The following CEP295 variants were observed in gnomAD, a reference collection of about 807,000 sequenced individuals.
The protein encoded by CEP295 is centrosomal protein of 295 kDa.
In CEP295, 190 loss-of-function variants were observed where a neutral mutation model predicts 291.6. The observed-to-expected ratio is 0.65, with a 90% confidence interval of 0.58 to 0.73. The LOEUF (loss-of-function observed/expected upper bound fraction) is 0.73, where lower values mean the gene tolerates loss of function less well. CEP295 is among the 30% of genes least tolerant of loss of function. The pLI is 0.00. For synonymous variants in CEP295, 993 were observed against 1,038.8 expected, an observed-to-expected ratio of 0.96 and a Z score of 0.85; for missense variants, 2,863 against 2,949.4, an observed-to-expected ratio of 0.97 and a Z score of 0.68.
rs1565440119 is a variant in CEP295, at chr11:93,679,442, G to A, written c.655G>A (p.Ala219Thr). The A allele has an allele frequency of 6.4e-7, 1 of 1,551,244 alleles. No homozygotes were observed. Among genetic ancestry groups the A allele is most frequent in the Non-Finnish European group, 8.7e-7 (1 of 1,146,754 alleles). The change falls in exon 7 of 30, where the codon GCT becomes ACT. Residue 219 changes from alanine to threonine, a missense_variant. Coordinates refer to ENST00000325212, the MANE Select transcript of CEP295 (RefSeq NM_033395.2). Reference protein sequence around the residue: ...PDARLAAEEEAKRLEELQKQA... With the variant: ...PDARLAAEEETKRLEELQKQA... Reference sequence around the variant, plus strand: ...TGCTCGTTTGGCTGCTGAAGAGGAAGCTAAACGATTGGAAGAACTACAAAA... The same window carrying A: ...TGCTCGTTTGGCTGCTGAAGAGGAAACTAAACGATTGGAAGAACTACAAAA...
chr11:93,723,280 G>T lies in CEP295; in HGVS notation c.6187G>T (p.Asp2063Tyr), dbSNP rs779315491. ...NEANLIPEKT[D>Y]LQELEHIFPN... Reference sequence around the variant, plus strand: ...AGCAAATTTGATACCTGAAAAAACAGATTTGCAAGGTAAAATTATTTTAAA... The same window carrying T: ...AGCAAATTTGATACCTGAAAAAACATATTTGCAAGGTAAAATTATTTTAAA... The change falls in exon 21 of 30, where the codon GAT (aspartate) becomes TAT (tyrosine). Residue 2063 changes from aspartate to tyrosine, a missense_variant. By Grantham distance (160) the Asp-to-Tyr change is radical (BLOSUM62 -3). Coordinates refer to ENST00000325212, the MANE Select transcript of CEP295 (RefSeq NM_033395.2). 2.7e-6 allele frequency: 4 copies of T among 1,498,450 alleles called. No homozygotes were observed. Among genetic ancestry groups the T allele is most frequent in the Non-Finnish European group, 3.6e-6 (4 of 1,114,298 alleles). 92.8% of individuals were successfully genotyped at this position (1,498,450 alleles called of 1,614,324 possible).
At chr11:93,681,785 A>G (rs1398727729) in intron 7 of CEP295, among the ~76,000 whole-genome samples, 3 of 151,402 alleles carry the variant, frequency 2.0e-5, no homozygotes, top group African/African-American at 7.3e-5. Flanking sequence ...GACCTCAAAC[A>G]ATCTGCCTGC....
chr11:93,728,664 T>A lies in CEP295; in HGVS notation c.7162-17T>A. 1 of 1,517,016 alleles carries A rather than the reference T, an allele frequency of 6.6e-7. No homozygotes were observed. Among genetic ancestry groups the A allele is most frequent in the Non-Finnish European group, 8.8e-7 (1 of 1,136,516 alleles). 94.0% of individuals were successfully genotyped at this position (1,517,016 alleles called of 1,614,324 possible). On this transcript the variant is annotated splice_polypyrimidine_tract_variant and intron_variant, in intron 24 of 29. Coordinates refer to ENST00000325212, the MANE Select transcript of CEP295 (RefSeq NM_033395.2). ...AGGCTATTTTGACATGGTTTTCCTT[T>A]TAATTGTGGTTCACAGGAAACAGAA...
chr11:93,701,215 A>G (rs1401024767), intron 15 of CEP295, among the ~76,000 whole-genome samples: 1 of 152,028 alleles, frequency 6.6e-6, no homozygotes, highest in Non-Finnish European at 1.5e-5. Context: ...AAATACAAAA[A>G]TTAGCCAGGC....
intron 7 of CEP295, among the ~76,000 whole-genome samples, chr11:93,681,383 C>T (rs1241314818): frequency 2.2e-5 from 3 of 134,278 alleles, no homozygotes; most frequent in Admixed American, 8.1e-5. Context: ...ACTACAGGCT[C>T]GCGTCACCAC....
At position 93,727,699 on chromosome 11, in the gene CEP295, C is replaced by T. The variant is rs1591173194; in HGVS notation, c.7161+62C>T. 3.0e-6 allele frequency: 4 copies of T among 1,333,340 alleles called. No homozygotes were observed. The East Asian group carries it at 1.0e-4, about 34-fold the overall frequency. The allele number at this position is 1,333,340 out of a possible 1,614,324, so 82.6% of individuals were successfully genotyped here. ...TTCCTTTTTGGGAAAAAACTTTTTT[C>T]TTCTAAAATTAGAGATGAAGTTCCC... is the stretch of plus-strand genomic sequence containing the variant. On this transcript the variant is annotated intron_variant, in intron 24 of 29. Transcript: ENST00000325212.
intron 18 of CEP295, among the ~76,000 whole-genome samples, chr11:93,707,365 A>G (rs564345158): frequency 1.3e-5 from 2 of 152,282 alleles, no homozygotes; most frequent in East Asian, 1.9e-4. Context: ...CTGAATTTAT[A>G]TATGTATATA....
chr11:93,727,889 A>T, intron 24 of CEP295: 1 of 344,958 alleles, frequency 2.9e-6, no homozygotes, highest in South Asian at 6.9e-5. Flanking sequence ...ATCACTAGAA[A>T]TATCCAGCAT....
chr11:93,669,817 A>G (rs989489381), intron 5 of CEP295, 47 bp downstream of exon 5: 4 of 1,245,782 alleles, frequency 3.2e-6, no homozygotes, highest in Admixed American at 4.1e-5. Flanking sequence ...CTTCTTTACT[A>G]TTATAATTCA....
At chr11:93,681,275 C>T (rs574289062) in intron 7 of CEP295, among the ~76,000 whole-genome samples, 13 of 149,916 alleles carry the variant, frequency 8.7e-5, no homozygotes, top group Middle Eastern at 3.4e-3. Flanking sequence ...CTCACTCTGT[C>T]GCCCAGGCTG....
At chr11:93,725,611 C>A in intron 22 of CEP295, 40 bp from the exon 23 acceptor site, 1 of 1,446,426 alleles carries the variant, frequency 6.9e-7, no homozygotes, top group Non-Finnish European at 9.3e-7. Flanking sequence ...TTGTTAATAC[C>A]TAATCAGTAT....
intron 17 of CEP295, among the ~76,000 whole-genome samples, chr11:93,703,984 T>C (rs1411061527): frequency 6.6e-6 from 1 of 152,050 alleles, no homozygotes; most frequent in Non-Finnish European, 1.5e-5. Context: ...TTTGCCAGGA[T>C]GGTCTCCATC....
At chr11:93,679,364 T>G in intron 6 of CEP295, 48 bp from the exon 7 acceptor site, 6 of 1,502,150 alleles carry the variant, frequency 4.0e-6, no homozygotes, top group Non-Finnish European at 5.4e-6. Context: ...AGTTACTGCT[T>G]GTCTCACACT....
At chr11:93,718,460 A>G (rs978720137) in intron 18 of CEP295, among the ~76,000 whole-genome samples, 4 of 152,224 alleles carry the variant, frequency 2.6e-5, no homozygotes, top group Non-Finnish European at 5.9e-5. Flanking sequence ...AAATGACGAC[A>G]GTTATTTCTC....
At chr11:93,713,585 G>A (rs1409167736) in intron 18 of CEP295, among the ~76,000 whole-genome samples, 1 of 152,044 alleles carries the variant, frequency 6.6e-6, no homozygotes, top group African/African-American at 2.4e-5. Flanking sequence ...GCTGCTTTTA[G>A]GATTCTTTCT....
intron 18 of CEP295, among the ~76,000 whole-genome samples, chr11:93,717,714 G>A (rs1464619728): frequency 6.6e-6 from 1 of 152,116 alleles, no homozygotes; most frequent in Non-Finnish European, 1.5e-5. Context: ...TCTGTGTTCA[G>A]ATGTGGTTAC....
At chr11:93,694,638 C>T (rs1291126732) in intron 12 of CEP295, among the ~76,000 whole-genome samples, 1 of 152,184 alleles carries the variant, frequency 6.6e-6, no homozygotes. Context: ...AAGATGGCTA[C>T]TAAGTAACAA....
At position 93,702,745 on chromosome 11, in the gene CEP295, A is replaced by G. The variant is rs1392391304; in HGVS notation, c.5453-31A>G. ...TTAGAAGTATGTTAATAGATTTTGT[A>G]TTGTATCCAACTTTGTCATTGACTT... On this transcript the variant is annotated intron_variant, in intron 16 of 29. Transcript: ENST00000325212. The G allele has an allele frequency of 3.2e-6, 5 of 1,548,818 alleles. No individual in the cohort carries two copies. In the South Asian group the frequency reaches 3.6e-5, roughly 11 times the overall value.
At chr11:93,679,936 G>T (rs546070779) in intron 7 of CEP295, among the ~76,000 whole-genome samples, 2 of 152,272 alleles carry the variant, frequency 1.3e-5, no homozygotes, top group Admixed American at 1.3e-4. Context: ...GCAGAATGTT[G>T]TTTCAAAAAT....
Sources: allele counts gnomAD v4.1 joint callset (sites outside exome capture counted in the v4.1 genomes callset), GRCh38; gene constraint gnomAD v4.1.1; transcripts MANE v1.5; gene names NCBI Gene and HGNC (gene_info 2026-07-23, HGNC 2026-07-21).